PAX5: variants seen among roughly 807,000 people sequenced by gnomAD.
The protein encoded by PAX5 is paired box protein Pax-5.
A neutral mutation model predicts 43.7 loss-of-function variants in PAX5; 9 were observed. The observed-to-expected ratio is 0.21, with a 90% CI of 0.12 to 0.36. PAX5 has a LOEUF of 0.36. Ranked by LOEUF, PAX5 falls within the 10% of genes least tolerant of loss-of-function variation. The pLI is 1.00. For synonymous variants in PAX5, 228 were observed against 214.3 expected (o/e 1.06, Z -0.56); for missense variants, 383 against 532.7 (o/e 0.72, Z 2.77).
chr9:36,884,307 G>A lies in PAX5; in HGVS notation c.911-2202C>T, dbSNP rs185525585. 2.6e-3 allele frequency among the ~76,000 whole-genome samples: 391 copies of A among 152,224 alleles called. 1 individual carries two copies. The highest frequency in any genetic ancestry group is 9.1e-3 in the African/African-American group (376 of 41,546). ...AGAATAATATACCATGACCAAAAAA[G>A]TTTCATTCTATGTATGCAAGGATGG... On this transcript the variant is annotated intron_variant, in intron 7 of 9. Transcript: ENST00000358127.
Position 36,892,265 on chromosome 9 carries a change from C to T in PAX5, c.911-10160G>A, listed in dbSNP as rs114637587. 7.4e-3 allele frequency among the ~76,000 whole-genome samples: 1,128 copies of T among 152,292 alleles called. 18 individuals carry two copies. Among genetic ancestry groups the T allele is most frequent in the African/African-American group, 0.026 (1,072 of 41,566 alleles). On this transcript the variant is annotated intron_variant, in intron 7 of 9. Coordinates refer to ENST00000358127, the MANE Select transcript of PAX5 (RefSeq NM_016734.3). ...CAGGGCAAAGTGGGCTAGCTCGTGACTTTATTCATTCGTTCACTCATTCAT... is the reference window on the plus strand; with the variant it reads ...CAGGGCAAAGTGGGCTAGCTCGTGATTTTATTCATTCGTTCACTCATTCAT...
intron 6 of PAX5, among the ~76,000 whole-genome samples, chr9:36,960,883 T>C (rs1278039140): frequency 6.6e-6 from 1 of 152,212 alleles, no homozygotes; most frequent in Non-Finnish European, 1.5e-5. Context: ...GAATGCCTTC[T>C]CCAGCCCGCC....
chr9:36,912,932 G>C (rs1829423103), intron 7 of PAX5, among the ~76,000 whole-genome samples: 1 of 152,358 alleles, frequency 6.6e-6, no homozygotes, highest in Admixed American at 6.5e-5. Context: ...TTGGAGAGAA[G>C]AGGATGACCA....
intron 5 of PAX5, among the ~76,000 whole-genome samples, chr9:36,980,750 G>T (rs1835840819): frequency 6.6e-6 from 1 of 152,128 alleles, no homozygotes; most frequent in Non-Finnish European, 1.5e-5. Context: ...CCAGAGAAGG[G>T]GGCAGGTTCG....
intron 7 of PAX5, among the ~76,000 whole-genome samples, chr9:36,921,043 C>T (rs1006884351): frequency 6.6e-6 from 1 of 152,168 alleles, no homozygotes; most frequent in African/African-American, 2.4e-5. Flanking sequence ...GAACCCCTGA[C>T]CTCAGGTGAT....
At position 37,009,472 on chromosome 9, in the gene PAX5, G is replaced by A. The variant is rs145732348; in HGVS notation, c.411-2935C>T. On this transcript the variant is annotated intron_variant, in intron 3 of 9. Coordinates refer to ENST00000358127, the MANE Select transcript of PAX5 (RefSeq NM_016734.3). ...AGATGTTATTTTCAGTGGTGTCTTT[G>A]TAAAGATTAATGACTAGCTTCCGTC... Among the ~76,000 whole-genome samples, 1,372 of 152,278 alleles carry A rather than the reference G, an allele frequency of 9.0e-3. 20 individuals are homozygous for A. Among genetic ancestry groups the A allele is most frequent in the South Asian group, 0.027 (129 of 4,816 alleles).
chr9:36,902,578 T>C (rs2131864218), intron 7 of PAX5, among the ~76,000 whole-genome samples: 1 of 152,268 alleles, frequency 6.6e-6, no homozygotes, highest in Non-Finnish European at 1.5e-5. Flanking sequence ...AGAGAGGCCC[T>C]GAAGCCCAGG....
At chr9:36,878,014 C>T (rs902112368) in intron 8 of PAX5, among the ~76,000 whole-genome samples, 2 of 152,194 alleles carry the variant, frequency 1.3e-5, no homozygotes, top group Admixed American at 1.3e-4. Flanking sequence ...AATGCAGCTG[C>T]AGCCAGGGAA....
intron 3 of PAX5, among the ~76,000 whole-genome samples, chr9:37,013,420 A>G (rs1203908843): frequency 6.6e-6 from 1 of 151,962 alleles, no homozygotes; most frequent in East Asian, 1.9e-4. Context: ...CCCCAATTAT[A>G]TGTGTACTCT....
chr9:36,915,864 G>A (rs1280864559), intron 7 of PAX5, among the ~76,000 whole-genome samples: 1 of 152,036 alleles, frequency 6.6e-6, no homozygotes, highest in Non-Finnish European at 1.5e-5. Context: ...TTGAGCCCAA[G>A]AGTTCAAAAC....
intron 9 of PAX5, among the ~76,000 whole-genome samples, chr9:36,845,737 G>A (rs911813160): frequency 3.9e-5 from 6 of 152,208 alleles, no homozygotes; most frequent in African/African-American, 1.4e-4. Context: ...GGTTTGGGAA[G>A]GGGTCAAGGC....
intron 5 of PAX5, 55 bp from the exon 6 acceptor site, chr9:36,966,779 A>G: frequency 6.5e-7 from 1 of 1,534,182 alleles, no homozygotes; most frequent in South Asian, 1.2e-5. Flanking sequence ...GTTGCTAAAG[A>G]AAGACAGGTC....
chr9:37,015,023 G>A lies in PAX5; in HGVS notation c.384C>T (p.Thr128=), dbSNP rs372118521. Residue 128 remains threonine, a synonymous_variant, in exon 3 of 10, where the codon ACC becomes ACT. Coordinates refer to ENST00000358127, the MANE Select transcript of PAX5 (RefSeq NM_016734.3). This position sits in a 1 kb window ranked among gnomAD's most constrained non-coding sequence, Gnocchi z 4.4. Reference sequence around the variant, plus strand: ...TGTTGATGGAACTGACGCTAGGCACGGTGTCATTGTCACACACCCGCTCTG... The same window carrying A: ...TGTTGATGGAACTGACGCTAGGCACAGTGTCATTGTCACACACCCGCTCTG... ...LLAERVCDND[T]VPSVSSINRI... is the part of the protein sequence containing the mutation. The A allele has an allele frequency of 3.8e-5, 61 of 1,613,988 alleles. 1 individual carries two copies. The African/African-American group carries it at 4.3e-4, about 11-fold the overall frequency.
At chr9:36,937,487 A>T (rs2132040769) in intron 6 of PAX5, among the ~76,000 whole-genome samples, 1 of 151,932 alleles carries the variant, frequency 6.6e-6, no homozygotes, top group East Asian at 1.9e-4. Context: ...CTTCTGTTTG[A>T]CTCCAAAGCC....
Position 36,882,267 on chromosome 9 carries a change from T to TACACACACACAC in PAX5, c.911-174_911-163dup, listed in dbSNP as rs10650417. On this transcript the variant is annotated intron_variant, in intron 7 of 9. Transcript: ENST00000358127. The surrounding 1 kb of genome is among the most constrained non-coding windows in gnomAD (Gnocchi z 4.4). ...GCTCACACGCTCTCACAAACACACA[T>TACACACACACAC]ACACACACACACACACACACACACA... Among the ~76,000 whole-genome samples, 3 of 146,272 alleles carry TACACACACACAC rather than the reference T, an allele frequency of 2.1e-5. No individual in the cohort carries two copies. The highest frequency in any genetic ancestry group is 7.5e-5 in the African/African-American group (3 of 40,136).
Position 36,836,697 on chromosome 9 carries a change from G to A in PAX5, c.*3863C>T. Reference sequence around the variant, plus strand: ...ATTGTGATCTGTGTTTCCAGGGGCTGTGGACACCCTGGTGGCCCTGGCTTG... The same window carrying A: ...ATTGTGATCTGTGTTTCCAGGGGCTATGGACACCCTGGTGGCCCTGGCTTG... On this transcript the variant is annotated 3_prime_UTR_variant, in exon 10 of 10. Transcript: ENST00000358127. 1 of 231,750 alleles carries A rather than the reference G, an allele frequency of 4.3e-6. No individual in the cohort carries two copies. Among genetic ancestry groups the A allele is most frequent in the Non-Finnish European group, 8.5e-6 (1 of 117,110 alleles). The allele number at this position is 231,750 out of a possible 1,614,324, so 14.4% of individuals were successfully genotyped here.
At chr9:36,873,299 C>T (rs1825646640) in intron 8 of PAX5, among the ~76,000 whole-genome samples, 1 of 152,202 alleles carries the variant, frequency 6.6e-6, no homozygotes, top group African/African-American at 2.4e-5. Context: ...GGGGCTGTGT[C>T]GGCAGCTCCA....
At chr9:36,941,297 T>C (rs1156683321) in intron 6 of PAX5, among the ~76,000 whole-genome samples, 2 of 152,180 alleles carry the variant, frequency 1.3e-5, no homozygotes, top group Non-Finnish European at 2.9e-5. Context: ...AATGAGATGA[T>C]GTGTGCCAAG....
intron 8 of PAX5, among the ~76,000 whole-genome samples, chr9:36,848,350 C>CACACACACACACA (rs139370055): frequency 1.5e-5 from 2 of 136,464 alleles, no homozygotes; most frequent in South Asian, 2.5e-4. Context: ...CAGAGCGTGT[C>CACACACACACACA]CACACACACA....
Sources: gnomAD v4.1 joint callset for allele counts (sites outside exome capture counted in the v4.1 genomes callset) on GRCh38, gnomAD v4.1.1 for gene constraint, Gnocchi (gnomAD v3.1) non-coding constraint, MANE v1.5 for transcripts, NCBI Gene and HGNC (gene_info 2026-07-23, HGNC 2026-07-21) for gene names.